PACRG: variants seen among roughly 807,000 people sequenced by gnomAD.
PACRG encodes parkin coregulated, also known as parkin coregulated gene protein.
In PACRG, 29 loss-of-function variants were observed where a neutral mutation model predicts 29.7. The observed-to-expected ratio is 0.98, with a 90% CI of 0.73 to 1.33. The LOEUF is 1.33. Among genes scored for constraint, PACRG ranks in the 40% most tolerant of loss-of-function variants. The pLI is 0.00. For synonymous variants in PACRG, 116 were observed against 118.7 expected (o/e 0.98, Z 0.15); for missense variants, 279 against 316.2 (o/e 0.88, Z 0.89).
intron 4 of PACRG, among the ~76,000 whole-genome samples, chr6:163,313,535 G>A (rs552201428): frequency 1.3e-5 from 2 of 152,028 alleles, no homozygotes; most frequent in African/African-American, 2.4e-5. Context: ...TAAATGTCTC[G>A]AATGACTAAT....
chr6:163,134,757 G>A (rs1816862436), intron 4 of PACRG, among the ~76,000 whole-genome samples: 1 of 152,000 alleles, frequency 6.6e-6, no homozygotes, highest in South Asian at 2.1e-4. Context: ...ACTACTAATG[G>A]ACTAATATAT....
At chr6:163,206,066 G>A (rs1043503535) in intron 4 of PACRG, among the ~76,000 whole-genome samples, 2 of 152,104 alleles carry the variant, frequency 1.3e-5, no homozygotes, top group Admixed American at 6.5e-5. Flanking sequence ...AATAACAGAT[G>A]CTGACAAGGT....
intron 2 of PACRG, among the ~76,000 whole-genome samples, chr6:162,963,119 G>T (rs1242586786): frequency 6.6e-6 from 1 of 152,142 alleles, no homozygotes; most frequent in African/African-American, 2.4e-5. Flanking sequence ...GAAAAGGAAG[G>T]CAAGGTTTTC....
At chr6:162,795,512 A>G (rs1785301773) in intron 1 of PACRG, among the ~76,000 whole-genome samples, 1 of 152,156 alleles carries the variant, frequency 6.6e-6, no homozygotes, top group African/African-American at 2.4e-5. Flanking sequence ...TCCCTGCTCC[A>G]GTGACCTTAT....
At chr6:163,257,233 C>T (rs1400160971) in intron 4 of PACRG, among the ~76,000 whole-genome samples, 1 of 151,972 alleles carries the variant, frequency 6.6e-6, no homozygotes, top group Admixed American at 6.6e-5. Context: ...CAACTCAACC[C>T]CGTACATGTT....
At chr6:163,050,326 C>G (rs934801835) in intron 2 of PACRG, among the ~76,000 whole-genome samples, 4 of 151,956 alleles carry the variant, frequency 2.6e-5, no homozygotes, top group African/African-American at 9.7e-5. Context: ...TAACTTTATC[C>G]TCATCTCTTT....
At chr6:163,236,971 C>T (rs1385034703) in intron 4 of PACRG, among the ~76,000 whole-genome samples, 1 of 152,062 alleles carries the variant, frequency 6.6e-6, no homozygotes, top group African/African-American at 2.4e-5. Flanking sequence ...CTCATGAGAA[C>T]TCACTATCAT....
intron 4 of PACRG, among the ~76,000 whole-genome samples, chr6:163,286,769 C>T (rs1366404178): frequency 6.6e-6 from 1 of 152,140 alleles, no homozygotes; most frequent in East Asian, 1.9e-4. Context: ...CAACAGGTCA[C>T]TTTAAAACTA....
chr6:163,213,306 G>GA (rs56408737), intron 4 of PACRG, among the ~76,000 whole-genome samples: 44,599 of 148,778 alleles, frequency 0.3, 7,053 homozygotes, highest in African/African-American at 0.43. Context: ...GAAAGTCAAG[G>GA]AAAAAAAAAA....
chr6:162,793,406 G>C (rs1785115881), intron 1 of PACRG, among the ~76,000 whole-genome samples: 1 of 152,062 alleles, frequency 6.6e-6, no homozygotes, highest in Admixed American at 6.6e-5. Flanking sequence ...AACATTGAAT[G>C]ATCTCATATA....
At chr6:163,261,999 T>A (rs927550003) in intron 4 of PACRG, among the ~76,000 whole-genome samples, 5 of 152,244 alleles carry the variant, frequency 3.3e-5, no homozygotes, top group Non-Finnish European at 7.3e-5. Flanking sequence ...GTAGTTTCTG[T>A]GTTCAATATT....
intron 2 of PACRG, among the ~76,000 whole-genome samples, chr6:162,891,658 C>T (rs9347700): frequency 0.16 from 24,866 of 151,952 alleles, 2,540 homozygotes; most frequent in East Asian, 0.35. Context: ...TTGCCAATGG[C>T]CTAGCTATTT....
chr6:163,167,877 A>G (rs1271815103), intron 4 of PACRG, among the ~76,000 whole-genome samples: 1 of 152,210 alleles, frequency 6.6e-6, no homozygotes, highest in Admixed American at 6.5e-5. Flanking sequence ...TGATTTGTAA[A>G]CTATTAGACA....
chr6:163,007,448 A>C (rs1479892541), intron 2 of PACRG, among the ~76,000 whole-genome samples: 1 of 152,172 alleles, frequency 6.6e-6, no homozygotes, highest in Non-Finnish European at 1.5e-5. Context: ...CTTGAAGTGC[A>C]GATTGGCTGG....
Position 163,307,484 on chromosome 6 carries a change from G to GT in PACRG, c.614-7342dup, listed in dbSNP as rs573724691. ...TAGCGTGCCAGATGCCGTGGTTATT[G>GT]TAAGTTTTGGTTGAAAAACCATTGC... On this transcript the variant is annotated intron_variant, in intron 4 of 4. Coordinates refer to ENST00000366888, the MANE Select transcript of PACRG (RefSeq NM_001080379.2). 1.6e-3 allele frequency among the ~76,000 whole-genome samples: 240 copies of GT among 152,336 alleles called. 2 individuals are homozygous for GT. In the South Asian group the frequency reaches 0.025, roughly 16 times the overall value.
intron 2 of PACRG, among the ~76,000 whole-genome samples, chr6:163,026,438 C>T (rs369559138): frequency 9.9e-5 from 15 of 152,172 alleles, no homozygotes; most frequent in Admixed American, 9.8e-4. Flanking sequence ...ATTTTATACA[C>T]TGATCTATGG....
chr6:162,797,055 T>C (rs766729394), intron 1 of PACRG, among the ~76,000 whole-genome samples: 1 of 152,218 alleles, frequency 6.6e-6, no homozygotes, highest in Non-Finnish European at 1.5e-5. Context: ...GGCAGGCAGA[T>C]CAACTGAGGT....
chr6:162,728,158 A>C lies in PACRG; in HGVS notation c.-78A>C. ...ATCGCGCCTTTTGATATTTTTTTCC[A>C]GACCTCCTGCTCACATCCGTAAAGC... On this transcript the variant is annotated 5_prime_UTR_variant, in exon 1 of 5. Coordinates refer to ENST00000366888, the MANE Select transcript of PACRG (RefSeq NM_001080379.2). The C allele has an allele frequency of 6.6e-7, 1 of 1,512,704 alleles. No individual in the cohort carries two copies. The highest frequency in any genetic ancestry group is 8.9e-7 in the Non-Finnish European group (1 of 1,120,766). The allele number at this position is 1,512,704 out of a possible 1,614,324, so 93.7% of individuals were successfully genotyped here. A position where few individuals can be genotyped will look rare whatever the true frequency, so the allele number is the denominator to read the frequency against.
At chr6:163,235,036 G>T (rs754982969) in intron 4 of PACRG, among the ~76,000 whole-genome samples, 1 of 152,160 alleles carries the variant, frequency 6.6e-6, no homozygotes, top group South Asian at 2.1e-4. Context: ...TGAGCTCCAT[G>T]AAACTGAAGG....
Sources: allele counts gnomAD v4.1 joint callset (sites outside exome capture counted in the v4.1 genomes callset), GRCh38; gene constraint gnomAD v4.1.1; transcripts MANE v1.5; gene names NCBI Gene and HGNC (gene_info 2026-07-23, HGNC 2026-07-21).